Variants in KDM7A observed in about 807,000 individuals in gnomAD.
The protein encoded by KDM7A is lysine-specific demethylase 7A.
KDM7A carries 28 observed loss-of-function variants against 114.8 expected under a neutral mutation model. The ratio of observed to expected loss-of-function variants is 0.24; its 90% CI spans 0.18 to 0.33. The LOEUF is 0.33. KDM7A is among the 10% of genes least tolerant of loss of function. The pLI, the probability that KDM7A is intolerant of heterozygous loss-of-function variation, is 1.00. For synonymous variants in KDM7A, 423 were observed against 397.8 expected (o/e 1.06, Z -0.75); for missense variants, 942 against 1,142.5 (o/e 0.82, Z 2.53).
chr7:140,092,061 T>G lies in KDM7A; in HGVS notation c.2474A>C (p.Gln825Pro). The change falls in exon 19 of 20, where the codon CAG (glutamine) becomes CCG (proline). Residue 825 changes from glutamine (Q) to proline (P), a missense_variant. Gln to Pro is a moderately conservative substitution (Grantham distance 76). Transcript: ENST00000397560. ...TGAACCTTCCTTTCTGATGCATTTC[T>G]GGCTTCTACTTAGATCCTGAAGGAG... ...RFHPQDLSRS[Q>P]KCIRKEGSSE... The G allele has an allele frequency of 6.2e-7, 1 of 1,614,194 alleles. No individual in the cohort carries two copies. Among genetic ancestry groups the G allele is most frequent in the Non-Finnish European group, 8.5e-7 (1 of 1,180,024 alleles).
chr7:140,116,219 C>A (rs1818526769), intron 9 of KDM7A, among the ~76,000 whole-genome samples: 1 of 151,936 alleles, frequency 6.6e-6, no homozygotes, highest in Non-Finnish European at 1.5e-5. Context: ...TTGTCAAAAA[C>A]CAAAAATAAC....
chr7:140,105,350 C>A (rs1310349187), intron 11 of KDM7A, among the ~76,000 whole-genome samples: 1 of 152,180 alleles, frequency 6.6e-6, no homozygotes, highest in Non-Finnish European at 1.5e-5. Flanking sequence ...TGAGAGAGGG[C>A]ATTCCTGTCT....
intron 1 of KDM7A, among the ~76,000 whole-genome samples, chr7:140,151,849 T>C (rs1013064882): frequency 2.0e-5 from 3 of 152,344 alleles, no homozygotes; most frequent in South Asian, 2.1e-4. Context: ...ACAGTTTTAT[T>C]TCCCATTGCA....
intron 2 of KDM7A, among the ~76,000 whole-genome samples, chr7:140,138,343 C>G (rs1228948947): frequency 6.6e-6 from 1 of 152,024 alleles, no homozygotes; most frequent in African/African-American, 2.4e-5. Flanking sequence ...ATAATCCAAG[C>G]CTTTTTCTCT....
chr7:140,114,813 G>T (rs564352065), intron 9 of KDM7A, among the ~76,000 whole-genome samples: 1 of 147,086 alleles, frequency 6.8e-6, no homozygotes, highest in Admixed American at 6.7e-5. Context: ...ACCTCTGCCC[G>T]GCCGCGACCC....
At chr7:140,162,961 TAATA>T (rs1421758333) in intron 1 of KDM7A, among the ~76,000 whole-genome samples, 2 of 151,688 alleles carry the variant, frequency 1.3e-5, no homozygotes, top group Non-Finnish European at 2.9e-5. Flanking sequence ...CAGGATATTT[TAATA>T]AATAAAAAGT....
intron 1 of KDM7A, among the ~76,000 whole-genome samples, chr7:140,162,865 G>A (rs1326543395): frequency 1.3e-5 from 2 of 152,076 alleles, no homozygotes; most frequent in Non-Finnish European, 2.9e-5. Flanking sequence ...TTAAATTGTG[G>A]TAAATCCACA....
At chr7:140,139,960 G>C (rs1387635256) in intron 1 of KDM7A, among the ~76,000 whole-genome samples, 1 of 152,172 alleles carries the variant, frequency 6.6e-6, no homozygotes, top group East Asian at 1.9e-4. Context: ...TAGAGTGCCT[G>C]AATAGTCCTG....
intron 1 of KDM7A, among the ~76,000 whole-genome samples, chr7:140,157,738 T>TGG: frequency 6.6e-6 from 1 of 150,548 alleles, no homozygotes; most frequent in Non-Finnish European, 1.5e-5. Context: ...CTGAGGTGGG[T>TGG]GGATCACTTG....
chr7:140,166,609 A>G (rs1794579402), intron 1 of KDM7A, among the ~76,000 whole-genome samples: 1 of 152,134 alleles, frequency 6.6e-6, no homozygotes, highest in Admixed American at 6.5e-5. Flanking sequence ...AAGTGCTGGG[A>G]TTATAGGCAT....
intron 8 of KDM7A, 70 bp downstream of exon 8, chr7:140,120,372 T>C: frequency 1.1e-6 from 1 of 876,722 alleles, no homozygotes; most frequent in African/African-American, 1.7e-5. Context: ...TTGATTTTTT[T>C]TAAGTTAAAA....
At chr7:140,148,234 A>G (rs1356045177) in intron 1 of KDM7A, among the ~76,000 whole-genome samples, 1 of 151,088 alleles carries the variant, frequency 6.6e-6, no homozygotes, top group Non-Finnish European at 1.5e-5. Flanking sequence ...AAAAAAAAAA[A>G]GAGAGAATTT....
intron 11 of KDM7A, among the ~76,000 whole-genome samples, chr7:140,110,755 C>G (rs1818417597): frequency 6.6e-6 from 1 of 152,198 alleles, no homozygotes; most frequent in Non-Finnish European, 1.5e-5. Flanking sequence ...CATTTCTTCT[C>G]TTGTTCTAAT....
rs1794706370 is a variant in KDM7A, at chr7:140,176,283, G to A, written c.194+461C>T. Among the ~76,000 whole-genome samples, 1 of 149,254 alleles carries A rather than the reference G, an allele frequency of 6.7e-6. No individual in the cohort carries two copies. The highest frequency in any genetic ancestry group is 1.5e-5 in the Non-Finnish European group (1 of 67,306). ...CGACCCCATCGCCGCCCGGAAGGAAGGCAGGCGCGTCGGCCGGCCGGGCAG... is the reference window on the plus strand; with the variant it reads ...CGACCCCATCGCCGCCCGGAAGGAAAGCAGGCGCGTCGGCCGGCCGGGCAG... On this transcript the variant is annotated intron_variant, in intron 1 of 19. Coordinates refer to ENST00000397560, the MANE Select transcript of KDM7A (RefSeq NM_030647.2). The surrounding 1 kb of genome is among the most constrained non-coding windows in gnomAD (Gnocchi z 4.4).
intron 1 of KDM7A, among the ~76,000 whole-genome samples, chr7:140,155,963 C>G (rs1794453485): frequency 6.6e-6 from 1 of 152,206 alleles, no homozygotes; most frequent in African/African-American, 2.4e-5. Flanking sequence ...TAGACCATAT[C>G]ATTCCCCAAC....
At chr7:140,111,586 G>A (rs2116771982) in intron 10 of KDM7A, among the ~76,000 whole-genome samples, 1 of 152,258 alleles carries the variant, frequency 6.6e-6, no homozygotes, top group Admixed American at 6.5e-5. Context: ...TTTCTCTTGG[G>A]AAATCTAATT....
rs9690468 is a variant in KDM7A, at chr7:140,153,767, C to A, written c.195-14577G>T. ...GTTCCGCAAATGGCGGCAGTGGCAG[C>A]GTTCCCACTGTCAGTTACTTATTTT... On this transcript the variant is annotated intron_variant, in intron 1 of 19. Coordinates refer to ENST00000397560, the MANE Select transcript of KDM7A (RefSeq NM_030647.2). Among the ~76,000 whole-genome samples, 394 of 152,322 alleles carry A rather than the reference C, an allele frequency of 2.6e-3. 2 individuals carry two copies. The highest frequency in any genetic ancestry group is 8.9e-3 in the African/African-American group (371 of 41,564).
chr7:140,140,560 G>C (rs1442709008), intron 1 of KDM7A, among the ~76,000 whole-genome samples: 1 of 152,096 alleles, frequency 6.6e-6, no homozygotes, highest in East Asian at 1.9e-4. Flanking sequence ...TGGATCACGA[G>C]ATCAGGAGTT....
At chr7:140,147,658 T>C (rs1794353180) in intron 1 of KDM7A, among the ~76,000 whole-genome samples, 1 of 152,160 alleles carries the variant, frequency 6.6e-6, no homozygotes, top group Non-Finnish European at 1.5e-5. Context: ...GAGTGGCCTT[T>C]GAGGTAAATT....
Sources: gnomAD v4.1 joint callset for allele counts (sites outside exome capture counted in the v4.1 genomes callset) on GRCh38, gnomAD v4.1.1 for gene constraint, Gnocchi (gnomAD v3.1) non-coding constraint, MANE v1.5 for transcripts, NCBI Gene and HGNC (gene_info 2026-07-23, HGNC 2026-07-21) for gene names.